The following HCFC1 variants were observed in gnomAD, a reference collection of about 807,000 sequenced individuals.
HCFC1 encodes the protein host cell factor C1, also known as host cell factor 1.
A neutral mutation model predicts 105.5 loss-of-function variants in HCFC1; 7 were observed. The ratio of observed to expected loss-of-function variants is 0.07; its 90% confidence interval spans 0.04 to 0.12. The LOEUF (loss-of-function observed/expected upper bound fraction) is 0.12, where lower values mean the gene tolerates loss of function less well. HCFC1 is among the 10% of genes least tolerant of loss of function. The pLI is 1.00. For synonymous variants in HCFC1, 918 were observed against 828.1 expected (o/e 1.11, Z -1.86); for missense variants, 1,065 against 1,823.6 (o/e 0.58, Z 7.58).
intron 9 of HCFC1, 147 bp from the exon 10 acceptor site, chrX:153,958,913 C>T: frequency 2.2e-6 from 1 of 447,955 alleles, no homozygotes; most frequent in South Asian, 4.4e-5. Flanking sequence ...ACTGCCAGAC[C>T]CCGCTCTCCT....
chrX:153,969,998 T>G (rs930310096), intron 1 of HCFC1: 2 of 113,088 alleles, frequency 1.8e-5, no homozygotes, highest in Non-Finnish European at 3.8e-5. Flanking sequence ...TCCCCAAGGC[T>G]CCGGCATTAC....
intron 3 of HCFC1, among the ~76,000 whole-genome samples, chrX:153,963,859 C>T (rs782661484): frequency 6.7e-4 from 75 of 112,403 alleles, no homozygotes; most frequent in African/African-American, 2.4e-3. Context: ...AAGCCGACTC[C>T]GAGAGCTGGG....
chrX:153,959,770 T>C (rs2065411806), intron 8 of HCFC1, 32 bp downstream of exon 8: 42 of 1,148,846 alleles, frequency 3.7e-5, no homozygotes, highest in Non-Finnish European at 4.9e-5. Flanking sequence ...GCTAGCCCCC[T>C]ACTTTCAAAC....
In HCFC1 at chrX:153,957,333, G is replaced by A; in HGVS notation, c.2334C>T (p.Ile778=). ...IIKTIPMSAI[I]TQAGATGVTS... ...CCCTACCCGTGGCGCCCGCCTGGGT[G>A]ATGATGGCCGACATGGGGATGGTTT... Residue 778 remains isoleucine (I), a synonymous_variant, in exon 13 of 26, where the codon ATC becomes ATT. Transcript: ENST00000310441. 8.3e-7 allele frequency: 1 copy of A among 1,200,756 alleles called. No individual in the cohort carries two copies. The highest frequency in any genetic ancestry group is 1.1e-6 in the Non-Finnish European group (1 of 887,443).
At chrX:153,961,898 G>A (rs1443501337) in intron 5 of HCFC1, among the ~76,000 whole-genome samples, 6 of 112,109 alleles carry the variant, frequency 5.4e-5, no homozygotes, top group East Asian at 2.8e-4. Flanking sequence ...ACAGTTTCTA[G>A]GTTCCCTTTA....
At chrX:153,963,811 G>A (rs782034088) in intron 3 of HCFC1, among the ~76,000 whole-genome samples, 4 of 112,614 alleles carry the variant, frequency 3.6e-5, no homozygotes, top group Non-Finnish European at 7.5e-5. Context: ...CAGGAAACTT[G>A]TAGGCAGCGG....
intron 1 of HCFC1, among the ~76,000 whole-genome samples, chrX:153,970,291 C>G (rs2065514880): frequency 9.1e-6 from 1 of 109,455 alleles, no homozygotes; most frequent in East Asian, 2.9e-4. Context: ...CTCTCCCTCA[C>G]CAGTCGGACT....
rs1557113678 is a variant in HCFC1 at position 153,954,305 on chromosome X, G to A, written c.4094C>T (p.Thr1365Ile). Residue 1365 changes from threonine (T) to isoleucine (I), a missense_variant, in exon 17 of 26, where the codon ACT becomes ATT. By Grantham distance (89) the Thr-to-Ile change is moderately conservative. Transcript: ENST00000310441. Reference protein sequence around the residue: ...RPCETHQTTSTGTTMSVSVGA... With the variant: ...RPCETHQTTSIGTTMSVSVGA... ...CACGCTGACCGACATGGTGGTGCCAGTGGAAGTGGTCTGGTGTGTCTCACA... is the reference window on the plus strand; with the variant it reads ...CACGCTGACCGACATGGTGGTGCCAATGGAAGTGGTCTGGTGTGTCTCACA... 1 of 1,199,832 alleles carries A rather than the reference G, an allele frequency of 8.3e-7. No homozygotes were observed.
chrX:153,957,200 G>A (rs1297655266), intron 13 of HCFC1, 114 bp downstream of exon 13: 47 of 967,629 alleles, frequency 4.9e-5, no homozygotes, highest in Non-Finnish European at 6.2e-5. Flanking sequence ...AAGGCAGCAA[G>A]GAGAAGATAG....
intron 8 of HCFC1, 104 bp downstream of exon 8, chrX:153,959,698 G>T: frequency 9.5e-7 from 1 of 1,050,240 alleles, no homozygotes; most frequent in South Asian, 2.2e-5. Context: ...GCTCCCGGCT[G>T]CTGGCCTGCT....
intron 6 of HCFC1, among the ~76,000 whole-genome samples, 187 bp downstream of exon 6, chrX:153,961,355 G>A (rs182399743): frequency 3.6e-5 from 4 of 112,176 alleles, no homozygotes; most frequent in Admixed American, 9.4e-5. Flanking sequence ...TGGATGGAGA[G>A]CTCATTCAAA....
chrX:153,963,160 C>T (rs896387320), intron 4 of HCFC1, 65 bp downstream of exon 4: 5 of 889,200 alleles, frequency 5.6e-6, no homozygotes, highest in Admixed American at 4.4e-5. Flanking sequence ...GCGCCACCCA[C>T]GGGGCCAGCC....
intron 17 of HCFC1, 82 bp from the exon 18 acceptor site, chrX:153,953,852 C>T: frequency 7.7e-6 from 8 of 1,035,691 alleles, no homozygotes; most frequent in Non-Finnish European, 9.1e-6. Flanking sequence ...GCTTCCTCTA[C>T]CACCAAGGGG....
At chrX:153,953,110 C>T in intron 18 of HCFC1, 152 bp from the exon 19 acceptor site, 1 of 528,629 alleles carries the variant, frequency 1.9e-6, no homozygotes, top group Non-Finnish European at 3.3e-6. Context: ...GAGAGAAGCC[C>T]CTGTCAGAGG....
chrX:153,959,199 C>A (rs1432714937), intron 9 of HCFC1, 132 bp downstream of exon 9: 2 of 685,169 alleles, frequency 2.9e-6, no homozygotes, highest in African/African-American at 2.2e-5. Context: ...TCCCCATCTG[C>A]ACGTCCCAGG....
At chrX:153,960,531 T>G (rs2065419839) in intron 6 of HCFC1, 117 bp from the exon 7 acceptor site, 1 of 468,867 alleles carries the variant, frequency 2.1e-6, no homozygotes. Flanking sequence ...AGTTATTGGA[T>G]TATTACATTA....
intron 1 of HCFC1, among the ~76,000 whole-genome samples, chrX:153,966,001 G>C (rs1307681147): frequency 2.7e-5 from 3 of 111,401 alleles, no homozygotes; most frequent in African/African-American, 9.8e-5. Context: ...CTTATCCAAA[G>C]CACAACTCCC....
At chrX:153,968,377 G>A (rs1378794820) in intron 1 of HCFC1, among the ~76,000 whole-genome samples, 2 of 112,343 alleles carry the variant, frequency 1.8e-5, no homozygotes, top group Non-Finnish European at 3.8e-5. Context: ...GGGCACAGGC[G>A]TGAGAATATG....
rs1266171129 is a variant in HCFC1 at position 153,948,622 on chromosome X, A to G, written c.*725T>C. On this transcript the variant is annotated 3_prime_UTR_variant, in exon 26 of 26. Transcript: ENST00000310441. ...TACAATGAAAGTGTGAACTTCACCA[A>G]TTGCAACCTAAAAAACACAACAAAT... The G allele has an allele frequency of 2.6e-5, 3 of 113,675 alleles. No individual in the cohort carries two copies. The highest frequency in any genetic ancestry group is 6.4e-5 in the African/African-American group (2 of 31,243). The allele number at this position is 113,675 out of a possible 1,213,427, so 9.4% of individuals were successfully genotyped here.
Sources: allele counts gnomAD v4.1 joint callset (sites outside exome capture counted in the v4.1 genomes callset), GRCh38; gene constraint gnomAD v4.1.1; transcripts MANE v1.5; gene names NCBI Gene and HGNC (gene_info 2026-07-23, HGNC 2026-07-21).